PTH2R: variants seen among roughly 807,000 people sequenced by gnomAD.
PTH2R encodes the protein PTH2 receptor.
In PTH2R, 59 loss-of-function variants were observed where a neutral mutation model predicts 60.3. The ratio of observed to expected loss-of-function variants is 0.98; its 90% CI spans 0.79 to 1.22. The LOEUF (loss-of-function observed/expected upper bound fraction) is 1.22, where lower values mean the gene tolerates loss of function less well. Ranked by LOEUF, PTH2R falls within the 50% of genes most tolerant of loss-of-function variation. PTH2R has a pLI of 0.00. For missense variants in PTH2R, 749 were observed against 682.6 expected, an observed-to-expected ratio of 1.10 and a Z score of -1.08; for synonymous variants, 256 against 243.8, an observed-to-expected ratio of 1.05 and a Z score of -0.47.
chr2:208,462,867 C>T (rs1294247911), intron 9 of PTH2R, among the ~76,000 whole-genome samples: 1 of 152,198 alleles, frequency 6.6e-6, no homozygotes, highest in African/African-American at 2.4e-5. Context: ...GAGGCCGGGC[C>T]AGACCCTGAA....
intron 8 of PTH2R, among the ~76,000 whole-genome samples, chr2:208,456,913 G>A (rs1574890474): frequency 1.3e-5 from 2 of 152,120 alleles, no homozygotes; most frequent in African/African-American, 4.8e-5. Context: ...TTGAAACTTT[G>A]ACACTGAAAA....
chr2:208,477,960 A>G (rs1446804864), intron 9 of PTH2R, among the ~76,000 whole-genome samples: 1 of 25,174 alleles, frequency 4.0e-5, no homozygotes. Flanking sequence ...TAGCACTACT[A>G]CTAGTACTAG....
At chr2:208,363,174 T>G (rs1445811968) in intron 1 of PTH2R, among the ~76,000 whole-genome samples, 1 of 152,062 alleles carries the variant, frequency 6.6e-6, no homozygotes, top group Non-Finnish European at 1.5e-5. Flanking sequence ...CCCTCCCCCT[T>G]CTCCCACCCT....
At chr2:208,459,002 TTC>T in intron 8 of PTH2R, among the ~76,000 whole-genome samples, 1 of 97,820 alleles carries the variant, frequency 1.0e-5, no homozygotes, top group East Asian at 7.1e-4. Context: ...ATGGTAGTTC[TTC>T]TTTTAGCTCT....
At chr2:208,421,546 C>G (rs1352573477) in intron 1 of PTH2R, among the ~76,000 whole-genome samples, 3 of 151,922 alleles carry the variant, frequency 2.0e-5, no homozygotes, top group Non-Finnish European at 4.4e-5. Context: ...ATATTTTTCT[C>G]AAAACTATAA....
chr2:208,467,143 C>T (rs191208301), intron 9 of PTH2R, among the ~76,000 whole-genome samples: 17 of 152,184 alleles, frequency 1.1e-4, no homozygotes, highest in Middle Eastern at 3.4e-3. Flanking sequence ...CCTTAAATTT[C>T]GGGTTAATTG....
At chr2:208,362,654 T>G (rs1700499514) in intron 1 of PTH2R, among the ~76,000 whole-genome samples, 1 of 152,246 alleles carries the variant, frequency 6.6e-6, no homozygotes, top group Admixed American at 6.5e-5. Context: ...AATACTTCTT[T>G]GAGACCCTGC....
chr2:208,375,640 G>A (rs1229993279), intron 1 of PTH2R, among the ~76,000 whole-genome samples: 1 of 152,114 alleles, frequency 6.6e-6, no homozygotes, highest in Non-Finnish European at 1.5e-5. Context: ...GCATAGTCTA[G>A]ATGTACCAGA....
chr2:208,465,388 C>CTT lies in PTH2R; in HGVS notation c.981+5458_981+5459dup, dbSNP rs60871321. Among the ~76,000 whole-genome samples, 188 of 39,960 alleles carry CTT rather than the reference C, an allele frequency of 4.7e-3. 20 individuals carry two copies. Among genetic ancestry groups the CTT allele is most frequent in the East Asian group, 0.015 (15 of 1,026 alleles). 26.2% of individuals were successfully genotyped at this position (39,960 alleles called of 152,430 possible). A position where few individuals can be genotyped will look rare whatever the true frequency, so the allele number is the denominator to read the frequency against. ...ACATACTTGTTGGCTATTTGTAAGT[C>CTT]TTTTTTTTTTTTTTTTTTTTTTTTT... On this transcript the variant is annotated intron_variant, in intron 9 of 12. Transcript: ENST00000272847.
At position 208,369,366 on chromosome 2, in the gene PTH2R, C is replaced by CTTTTTTTTTTTTTTTTTTTTTTTT. The variant is rs34110985; in HGVS notation, c.-259+9130_-259+9131insTTTTTTTTTTTTTTTTTTTTTTTT. Among the ~76,000 whole-genome samples, 2 of 135,074 alleles carry CTTTTTTTTTTTTTTTTTTTTTTTT rather than the reference C, an allele frequency of 1.5e-5. 1 individual carries two copies. The highest frequency in any genetic ancestry group is 5.7e-5 in the African/African-American group (2 of 34,828). The allele number at this position is 135,074 out of a possible 152,430, so 88.6% of individuals were successfully genotyped here. A position where few individuals can be genotyped will look rare whatever the true frequency, so the allele number is the denominator to read the frequency against. ...TTGTCTGTAAACAACACTGGTCTCT[C>CTTTTTTTTTTTTTTTTTTTTTTTT]TCTCTTTTTTTTTTTTTTTAGAAGG... is the stretch of plus-strand genomic sequence containing the variant. On this transcript the variant is annotated intron_variant, in intron 1 of 12. Transcript: ENST00000617735.
At chr2:208,434,953 C>T (rs970844392) in intron 2 of PTH2R, among the ~76,000 whole-genome samples, 2 of 152,126 alleles carry the variant, frequency 1.3e-5, no homozygotes, top group African/African-American at 4.8e-5. Context: ...ATGTAAAGCT[C>T]GGGCTTTTAT....
intron 1 of PTH2R, among the ~76,000 whole-genome samples, chr2:208,371,340 A>G (rs1220520001): frequency 6.6e-6 from 1 of 152,154 alleles, no homozygotes; most frequent in Non-Finnish European, 1.5e-5. Flanking sequence ...CTTTCCAGAC[A>G]GCGAGGTGAC....
intron 1 of PTH2R, among the ~76,000 whole-genome samples, chr2:208,408,772 TAATA>T (rs1246002391): frequency 6.0e-5 from 7 of 116,782 alleles, no homozygotes; most frequent in African/African-American, 2.9e-4. Context: ...GAGAAATAAA[TAATA>T]AATAAATCAC....
intron 2 of PTH2R, among the ~76,000 whole-genome samples, chr2:208,431,298 TC>T (rs1701966776): frequency 1.3e-5 from 2 of 152,210 alleles, no homozygotes; most frequent in African/African-American, 4.8e-5. Flanking sequence ...CAATATTCTT[TC>T]AAATCTCTTC....
intron 1 of PTH2R, among the ~76,000 whole-genome samples, chr2:208,382,668 C>T (rs1216171634): frequency 6.6e-6 from 1 of 152,154 alleles, no homozygotes; most frequent in Non-Finnish European, 1.5e-5. Context: ...GTTTTTGGAC[C>T]CTTTTCTGCT....
chr2:208,381,840 A>C (rs1333264894), intron 1 of PTH2R, among the ~76,000 whole-genome samples: 2 of 152,138 alleles, frequency 1.3e-5, no homozygotes, highest in Admixed American at 6.5e-5. Flanking sequence ...AATCCCAGCA[A>C]GATAACAGGG....
intron 1 of PTH2R, among the ~76,000 whole-genome samples, chr2:208,362,324 C>T (rs763879064): frequency 5.3e-5 from 8 of 151,818 alleles, no homozygotes; most frequent in Admixed American, 1.3e-4. Flanking sequence ...AGCTAATTCC[C>T]ATAATAAATC....
At chr2:208,451,243 G>T (rs1215189432) in intron 8 of PTH2R, among the ~76,000 whole-genome samples, 1 of 152,042 alleles carries the variant, frequency 6.6e-6, no homozygotes, top group African/African-American at 2.4e-5. Context: ...CTGCGATAAG[G>T]TAGCACGAAG....
chr2:208,493,431 T>C lies in PTH2R; in HGVS notation c.1425T>C (p.Ser475=). 6.2e-7 allele frequency: 1 copy of C among 1,610,362 alleles called. No homozygotes were observed. The highest frequency in any genetic ancestry group is 8.5e-7 in the Non-Finnish European group (1 of 1,177,632). Residue 475 remains serine (S), a synonymous_variant, in exon 13 of 13, where the codon TCT becomes TCC. Coordinates refer to ENST00000272847, the MANE Select transcript of PTH2R (RefSeq NM_005048.4). ...CCAGCACACGCATGGTGCTTATCTC[T>C]GGCAAAGCTGCCAAGATCGCCAGCA... ...VAASTRMVLI[S]GKAAKIASRQ...
Sources: gnomAD v4.1 joint callset for allele counts (sites outside exome capture counted in the v4.1 genomes callset) on GRCh38, gnomAD v4.1.1 for gene constraint, MANE v1.5 for transcripts, NCBI Gene and HGNC (gene_info 2026-07-23, HGNC 2026-07-21) for gene names.